Variants in TAFA1 observed in about 807,000 individuals in gnomAD.
TAFA1 encodes the protein TAFA chemokine like family member 1.
In TAFA1, 4 loss-of-function variants were observed where a neutral mutation model predicts 18.5. The ratio of observed to expected loss-of-function variants is 0.22; its 90% CI spans 0.11 to 0.49. The LOEUF is 0.49. Among genes scored for constraint, TAFA1 ranks in the 20% least tolerant of loss-of-function variants. The pLI is 0.98. For missense variants in TAFA1, 147 were observed against 169.0 expected (o/e 0.87, Z 0.72); for synonymous variants, 56 against 55.2 (o/e 1.01, Z -0.06).
At chr3:68,472,187 A>G (rs1023371057) in intron 3 of TAFA1, among the ~76,000 whole-genome samples, 1 of 152,174 alleles carries the variant, frequency 6.6e-6, no homozygotes, top group Admixed American at 6.5e-5. Flanking sequence ...AGATAATTGA[A>G]TCATGGGGGT....
intron 2 of TAFA1, among the ~76,000 whole-genome samples, chr3:68,134,133 G>C (rs928839201): frequency 6.6e-6 from 1 of 151,210 alleles, no homozygotes; most frequent in Admixed American, 6.6e-5. Flanking sequence ...GTTGGCTAGA[G>C]AGGAAAGCCT....
At chr3:68,319,825 G>A (rs1445625691) in intron 2 of TAFA1, among the ~76,000 whole-genome samples, 1 of 152,082 alleles carries the variant, frequency 6.6e-6, no homozygotes, top group Non-Finnish European at 1.5e-5. Context: ...CAAAGATGGG[G>A]AAAACTAAGC....
chr3:68,444,589 C>G (rs1172080342), intron 3 of TAFA1, among the ~76,000 whole-genome samples: 1 of 151,880 alleles, frequency 6.6e-6, no homozygotes, highest in African/African-American at 2.4e-5. Context: ...TATGGGTATT[C>G]TATATGCATG....
intron 2 of TAFA1, among the ~76,000 whole-genome samples, chr3:68,211,046 G>T (rs546996442): frequency 6.6e-6 from 1 of 152,152 alleles, no homozygotes; most frequent in South Asian, 2.1e-4. Flanking sequence ...TTATGGGGCT[G>T]CTAGAGTCTC....
intron 2 of TAFA1, among the ~76,000 whole-genome samples, chr3:68,087,576 G>GTCCT (rs986405810): frequency 2.8e-5 from 3 of 106,336 alleles, no homozygotes; most frequent in African/African-American, 7.3e-5. Context: ...CCCTCCTTCC[G>GTCCT]TCCTTCCTTC....
chr3:68,526,582 A>G (rs1480596044), intron 3 of TAFA1, among the ~76,000 whole-genome samples: 1 of 152,198 alleles, frequency 6.6e-6, no homozygotes, highest in African/African-American at 2.4e-5. Context: ...AAAAGAGGAA[A>G]GAGTACTTAA....
intron 3 of TAFA1, among the ~76,000 whole-genome samples, chr3:68,445,373 T>C (rs921298427): frequency 1.3e-5 from 2 of 152,290 alleles, no homozygotes; most frequent in African/African-American, 4.8e-5. Flanking sequence ...TTTTGTAGAA[T>C]TCAGCACTGA....
chr3:68,050,986 C>A (rs1394714192), intron 2 of TAFA1, among the ~76,000 whole-genome samples: 3 of 152,152 alleles, frequency 2.0e-5, no homozygotes, highest in Non-Finnish European at 4.4e-5. Context: ...GTGTTTACTT[C>A]TCAGCACACA....
chr3:68,383,715 G>T (rs1437412512), intron 2 of TAFA1, among the ~76,000 whole-genome samples: 3 of 151,998 alleles, frequency 2.0e-5, no homozygotes, highest in African/African-American at 4.8e-5. Context: ...GTAGGGAGGA[G>T]TCCCTCTTCA....
At chr3:68,535,449 AT>A (rs5849858) in intron 3 of TAFA1, among the ~76,000 whole-genome samples, 29,790 of 151,654 alleles carry the variant, frequency 0.2, 3,469 homozygotes, top group South Asian at 0.4. Flanking sequence ...TCTGTCTTCT[AT>A]TCAAACTCTG....
intron 2 of TAFA1, among the ~76,000 whole-genome samples, chr3:68,111,696 T>A (rs535018009): frequency 6.6e-6 from 1 of 151,464 alleles, no homozygotes; most frequent in African/African-American, 2.4e-5. Context: ...ATCTTTAGGA[T>A]AACAAATAAA....
intron 2 of TAFA1, among the ~76,000 whole-genome samples, chr3:68,225,834 C>T (rs973299559): frequency 6.6e-6 from 1 of 151,818 alleles, no homozygotes; most frequent in Non-Finnish European, 1.5e-5. Flanking sequence ...GATAACCTAT[C>T]TGTGAAAATG....
chr3:68,173,840 T>A (rs1483716087), intron 2 of TAFA1, among the ~76,000 whole-genome samples: 1 of 152,178 alleles, frequency 6.6e-6, no homozygotes, highest in Non-Finnish European at 1.5e-5. Flanking sequence ...TTTTGTTTTT[T>A]GAAACAGCAG....
intron 2 of TAFA1, among the ~76,000 whole-genome samples, chr3:68,182,081 C>A (rs563623311): frequency 6.6e-6 from 1 of 152,058 alleles, no homozygotes. Context: ...GGGTGGCACA[C>A]GCTTGCAGTC....
intron 2 of TAFA1, among the ~76,000 whole-genome samples, chr3:68,255,917 G>A (rs1043869778): frequency 6.6e-6 from 1 of 152,034 alleles, no homozygotes; most frequent in African/African-American, 2.4e-5. Context: ...AGAGGCTAAT[G>A]AATCAATTTA....
chr3:68,333,952 T>C (rs887035606), intron 2 of TAFA1, among the ~76,000 whole-genome samples: 16 of 152,308 alleles, frequency 1.1e-4, no homozygotes, highest in African/African-American at 2.4e-4. Context: ...TCTAAAGAAG[T>C]CAAACTCATA....
intron 2 of TAFA1, among the ~76,000 whole-genome samples, chr3:68,138,160 AGTGAATATCCAT>A (rs1465998890): frequency 6.6e-6 from 1 of 152,206 alleles, no homozygotes; most frequent in Non-Finnish European, 1.5e-5. Flanking sequence ...TTTGCTGCTC[AGTGAATATCCAT>A]GTTTTCCCCC....
At chr3:68,145,015 G>A (rs759847257) in intron 2 of TAFA1, 311 of 1,587,002 alleles carry the variant, frequency 2.0e-4, no homozygotes, top group Non-Finnish European at 2.4e-4. Flanking sequence ...TGCCAGTGGC[G>A]GTGATGGCAG....
At chr3:68,274,470 T>G (rs76104533) in intron 2 of TAFA1, among the ~76,000 whole-genome samples, 2,805 of 152,306 alleles carry the variant, frequency 0.018, 106 homozygotes, top group East Asian at 0.15. Context: ...ATTCAAACAC[T>G]GCTGGCAGAT....
Sources: allele counts gnomAD v4.1 joint callset (sites outside exome capture counted in the v4.1 genomes callset), GRCh38; gene constraint gnomAD v4.1.1; transcripts MANE v1.5; gene names NCBI Gene and HGNC (gene_info 2026-07-23, HGNC 2026-07-21).